Variants in GRIA3 observed in about 807,000 individuals in gnomAD.
GRIA3 encodes glutamate ionotropic receptor AMPA type subunit 3.
In GRIA3, 3 loss-of-function variants were observed where a neutral mutation model predicts 63.0. The ratio of observed to expected loss-of-function variants is 0.05; its 90% CI spans 0.02 to 0.12. The LOEUF is 0.12. Ranked by LOEUF, GRIA3 falls within the 10% of genes least tolerant of loss-of-function variation. GRIA3 has a pLI of 1.00. For synonymous variants in GRIA3, 274 were observed against 257.9 expected, an observed-to-expected ratio of 1.06 and a Z score of -0.60; for missense variants, 347 against 700.9, an observed-to-expected ratio of 0.50 and a Z score of 5.70.
chrX:123,404,283 C>T (rs1462376102), intron 9 of GRIA3, among the ~76,000 whole-genome samples: 1 of 110,499 alleles, frequency 9.0e-6, no homozygotes, highest in Non-Finnish European at 1.9e-5. Flanking sequence ...GTAAATGCCA[C>T]GGACGCTGAC....
intron 5 of GRIA3, among the ~76,000 whole-genome samples, chrX:123,378,719 G>A (rs1285009336): frequency 1.8e-5 from 2 of 111,124 alleles, no homozygotes; most frequent in Non-Finnish European, 3.8e-5. Flanking sequence ...GCCAACTTGA[G>A]GACCTTTTGT....
chrX:123,299,065 A>G (rs977286576), intron 3 of GRIA3, among the ~76,000 whole-genome samples: 11 of 110,197 alleles, frequency 1.0e-4, no homozygotes, highest in Admixed American at 3.9e-4. Context: ...TGGGTTGTCT[A>G]TTCTGTTCCA....
intron 3 of GRIA3, among the ~76,000 whole-genome samples, chrX:123,319,409 T>C (rs1177466732): frequency 8.9e-6 from 1 of 111,947 alleles, no homozygotes; most frequent in South Asian, 3.8e-4. Context: ...TTACAATCCA[T>C]TTTGCTAAAA....
chrX:123,394,319 A>T (rs1293696195), intron 5 of GRIA3, among the ~76,000 whole-genome samples: 1 of 110,108 alleles, frequency 9.1e-6, no homozygotes, highest in Non-Finnish European at 1.9e-5. Context: ...GTGAGCCGAG[A>T]TCACACCACT....
chrX:123,270,870 G>C (rs895612081), intron 3 of GRIA3, among the ~76,000 whole-genome samples: 3 of 112,563 alleles, frequency 2.7e-5, no homozygotes, highest in African/African-American at 9.7e-5. Flanking sequence ...CATTTAGTTA[G>C]TAATTTCACA....
chrX:123,257,678 TAA>T (rs1341546114), intron 3 of GRIA3, among the ~76,000 whole-genome samples: 3 of 62,933 alleles, frequency 4.8e-5, no homozygotes, highest in East Asian at 2.6e-3. Context: ...TTAAATTATA[TAA>T]GAGAGATAGA....
chrX:123,360,683 A>G (rs1440469541), intron 5 of GRIA3, among the ~76,000 whole-genome samples: 1 of 83,738 alleles, frequency 1.2e-5, no homozygotes, highest in Middle Eastern at 5.6e-3. Context: ...GTGACGGAGC[A>G]AGACTCTGTC....
intron 12 of GRIA3, among the ~76,000 whole-genome samples, chrX:123,452,867 T>G (rs1268761395): frequency 9.0e-6 from 1 of 111,306 alleles, no homozygotes; most frequent in Non-Finnish European, 1.9e-5. Context: ...AGTGAAAGGG[T>G]GTGGCAGACA....
At chrX:123,256,384 T>C (rs906937711) in intron 3 of GRIA3, among the ~76,000 whole-genome samples, 1 of 110,722 alleles carries the variant, frequency 9.0e-6, no homozygotes, top group African/African-American at 3.3e-5. Context: ...AGGAAAAAAA[T>C]AGACAGATAA....
chrX:123,346,812 C>G (rs2045053010), intron 4 of GRIA3, among the ~76,000 whole-genome samples: 1 of 111,828 alleles, frequency 8.9e-6, no homozygotes, highest in Non-Finnish European at 1.9e-5. Flanking sequence ...GGTCCAGCCC[C>G]AGAATTGGCA....
At chrX:123,188,652 G>T (rs1927342598) in intron 2 of GRIA3, among the ~76,000 whole-genome samples, 1 of 110,777 alleles carries the variant, frequency 9.0e-6, no homozygotes, top group African/African-American at 3.3e-5. Flanking sequence ...TCTCCTATCT[G>T]GTTCAATATG....
intron 11 of GRIA3, among the ~76,000 whole-genome samples, chrX:123,424,115 G>A (rs969702043): frequency 8.9e-6 from 1 of 111,872 alleles, no homozygotes; most frequent in South Asian, 3.7e-4. Context: ...AATCTGTCTT[G>A]TGCAACAAAA....
chrX:123,184,924 C>A, intron 1 of GRIA3: 2 of 449,684 alleles, frequency 4.4e-6, no homozygotes, highest in Non-Finnish European at 8.1e-6. Context: ...GCACCGGAGG[C>A]GAGCAGGAGG....
chrX:123,321,784 T>C (rs1446684177), intron 3 of GRIA3, among the ~76,000 whole-genome samples: 1 of 111,920 alleles, frequency 8.9e-6, no homozygotes, highest in Non-Finnish European at 1.9e-5. Context: ...TGCAAGAAGT[T>C]TATTGGCTGG....
intron 2 of GRIA3, among the ~76,000 whole-genome samples, chrX:123,234,068 T>C (rs750088758): frequency 5.4e-5 from 6 of 111,478 alleles, no homozygotes; most frequent in Non-Finnish European, 1.1e-4. Context: ...AATATTAACC[T>C]TGTAGAAGAA....
At chrX:123,445,569 G>T (rs1480686082) in intron 12 of GRIA3, among the ~76,000 whole-genome samples, 1 of 112,017 alleles carries the variant, frequency 8.9e-6, no homozygotes, top group Non-Finnish European at 1.9e-5. Context: ...CCAGACCAAA[G>T]ATTACCAAAA....
chrX:123,324,851 C>T (rs1177296477), intron 3 of GRIA3, among the ~76,000 whole-genome samples: 1 of 111,380 alleles, frequency 9.0e-6, no homozygotes, highest in Non-Finnish European at 1.9e-5. Flanking sequence ...AAGAAAATTC[C>T]GAATTGTAGC....
Position 123,289,430 on chromosome X carries a change from AT to A in GRIA3, c.508+35889del, listed in dbSNP as rs1201846819. 5.1e-4 allele frequency among the ~76,000 whole-genome samples: 45 copies of A among 88,835 alleles called. No homozygotes were observed. In the East Asian group the frequency reaches 0.014, roughly 27 times the overall value. The allele number at this position is 88,835 out of a possible 115,157, so 77.1% of individuals were successfully genotyped here. On this transcript the variant is annotated intron_variant, in intron 3 of 15. Transcript: ENST00000620443. ...ACTTAAAGTATAATTTAAAAAAAAT[AT>A]ATATATATATATAAAGATAAAGATA...
At chrX:123,407,341 A>G (rs1160391526) in intron 10 of GRIA3, among the ~76,000 whole-genome samples, 1 of 111,520 alleles carries the variant, frequency 9.0e-6, no homozygotes, top group East Asian at 2.8e-4. Context: ...TAAAGACCAA[A>G]CAGTTTACAG....
Sources: allele counts gnomAD v4.1 joint callset (sites outside exome capture counted in the v4.1 genomes callset), GRCh38; gene constraint gnomAD v4.1.1; transcripts MANE v1.5; gene names NCBI Gene and HGNC (gene_info 2026-07-23, HGNC 2026-07-21).